Variants in BICRA observed in about 807,000 individuals in gnomAD.
BICRA encodes BRD4 interacting chromatin remodeling complex associated protein.
Under a neutral mutation model 96.9 loss-of-function variants are expected in BICRA, and 31 were observed. The ratio of observed to expected loss-of-function variants is 0.32; its 90% CI spans 0.24 to 0.43. The LOEUF is 0.43. Among genes scored for constraint, BICRA ranks in the 20% least tolerant of loss-of-function variants. The pLI is 1.00. For missense variants in BICRA, 2,283 were observed against 2,190.3 expected, an observed-to-expected ratio of 1.04 and a Z score of -0.84; for synonymous variants, 1,350 against 1,071.8, an observed-to-expected ratio of 1.26 and a Z score of -5.07.
intron 7 of BICRA, among the ~76,000 whole-genome samples, chr19:47,692,099 C>T (rs1245994790): frequency 6.6e-6 from 1 of 152,166 alleles, no homozygotes; most frequent in Non-Finnish European, 1.5e-5. Context: ...GCCCTTGGAA[C>T]CTACTGAGTG....
At chr19:47,697,971 C>T (rs1395403238) in intron 11 of BICRA, among the ~76,000 whole-genome samples, 4 of 152,214 alleles carry the variant, frequency 2.6e-5, no homozygotes, top group Non-Finnish European at 5.9e-5. Context: ...CCCCGCAAAG[C>T]GCTGGGATTG....
rs551672645 is a variant in BICRA, at chr19:47,667,035, T to C, written c.-107-3408T>C. Reference sequence around the variant, plus strand: ...CATGTCTTTTTTCTTTTTTTTTTTTTTGAGACGGAGTCTTGCTCTGTCGCC... The same window carrying C: ...CATGTCTTTTTTCTTTTTTTTTTTTCTGAGACGGAGTCTTGCTCTGTCGCC... On this transcript the variant is annotated intron_variant, in intron 1 of 14. Transcript: ENST00000594866. Among the ~76,000 whole-genome samples the C allele has an allele frequency of 7.2e-5, 11 of 151,738 alleles. No homozygotes were observed. The East Asian group carries it at 1.9e-3, about 27-fold the overall frequency.
In BICRA at chr19:47,675,288, C is replaced by T. The variant is rs553003641; in HGVS notation, c.85-563C>T. ...CAGATGGAACAAGAAATTAGGGAAG[C>T]CCGAGCCATGGACATACATTCACTG... On this transcript the variant is annotated intron_variant, in intron 4 of 14. Transcript: ENST00000594866. The surrounding 1 kb of genome is among the most constrained non-coding windows in gnomAD (Gnocchi z 4.7). Among the ~76,000 whole-genome samples, 1 of 152,268 alleles carries T rather than the reference C, an allele frequency of 6.6e-6. No homozygotes were observed. Among genetic ancestry groups the T allele is most frequent in the East Asian group, 1.9e-4 (1 of 5,178 alleles).
chr19:47,685,786 T>TGTGTGTGCGCGCGCGCGCGCGC, intron 7 of BICRA, among the ~76,000 whole-genome samples: 13 of 117,922 alleles, frequency 1.1e-4, no homozygotes, highest in East Asian at 1.0e-3. Flanking sequence ...TGTGTGTGTG[T>TGTGTGTGCGCGCGCGCGCGCGC]GCGCGCGCGC....
rs185338035 is a variant in BICRA, at chr19:47,616,929, A to G, written c.-108+7761A>G. Among the ~76,000 whole-genome samples the G allele has an allele frequency of 2.1e-3, 318 of 151,894 alleles. 3 individuals are homozygous for G. The highest frequency in any genetic ancestry group is 7.4e-3 in the African/African-American group (308 of 41,402). On this transcript the variant is annotated intron_variant, in intron 1 of 14. Transcript: ENST00000594866. ...CTGCAACCTCCGCCTCCCAGGTTCA[A>G]GTGATTCTTATGTCTCAGCCTCCCG...
chr19:47,662,765 C>G (rs1387441626), intron 1 of BICRA: 2 of 152,146 alleles, frequency 1.3e-5, no homozygotes, highest in African/African-American at 2.4e-5. Flanking sequence ...AGTCATAGAC[C>G]CCACTTCTTA....
At chr19:47,668,845 C>T (rs1045066921) in intron 1 of BICRA, among the ~76,000 whole-genome samples, 3 of 150,906 alleles carry the variant, frequency 2.0e-5, no homozygotes, top group Non-Finnish European at 2.9e-5. Flanking sequence ...CTAGGCCAGG[C>T]GCAGTGGCTC....
At chr19:47,636,554 C>T (rs1972303192) in intron 1 of BICRA, among the ~76,000 whole-genome samples, 1 of 152,130 alleles carries the variant, frequency 6.6e-6, no homozygotes, top group Non-Finnish European at 1.5e-5. Flanking sequence ...GTCACCCAGG[C>T]TGGAGTTCAG....
In BICRA at chr19:47,682,118, C is replaced by G. The variant is rs1477191870; in HGVS notation, c.2249C>G (p.Pro750Arg). 6.6e-7 allele frequency: 1 copy of G among 1,515,898 alleles called. No individual in the cohort carries two copies. Among genetic ancestry groups the G allele is most frequent in the African/African-American group, 1.4e-5 (1 of 72,950 alleles). The allele number at this position is 1,515,898 out of a possible 1,614,324, so 93.9% of individuals were successfully genotyped here. Residue 750 changes from proline (P) to arginine (R), a missense_variant, in exon 7 of 15, where the codon CCC (proline) becomes CGC (arginine). Pro to Arg is a moderately radical substitution (Grantham distance 103). Transcript: ENST00000594866. ...AKGAGLGPQAPDSQASPAPAP... is the reference protein window; with the variant it reads ...AKGAGLGPQARDSQASPAPAP... ...GGAGCTGGCCTCGGCCCTCAGGCCC[C>G]CGACAGCCAGGCTTCCCCGGCTCCG...
chr19:47,681,138 C>G lies in BICRA; in HGVS notation c.1968C>G (p.Ala656=). ...QPPQAPTPQA[A]APPQATTPQP... ...CGCAGGCCCCCACCCCACAGGCCGCCGCCCCGCCTCAGGCCACCACCCCCC... is the reference window on the plus strand; with the variant it reads ...CGCAGGCCCCCACCCCACAGGCCGCGGCCCCGCCTCAGGCCACCACCCCCC... Residue 656 remains alanine, a synonymous_variant, in exon 6 of 15, where the codon GCC becomes GCG. Coordinates refer to ENST00000594866, the MANE Select transcript of BICRA (RefSeq NM_001394372.1). 1 of 1,509,536 alleles carries G rather than the reference C, an allele frequency of 6.6e-7. No homozygotes were observed. The highest frequency in any genetic ancestry group is 8.9e-7 in the Non-Finnish European group (1 of 1,126,894). The allele number at this position is 1,509,536 out of a possible 1,614,324, so 93.5% of individuals were successfully genotyped here.
At chr19:47,639,783 C>CGT (rs1041015604) in intron 1 of BICRA, among the ~76,000 whole-genome samples, 4 of 151,772 alleles carry the variant, frequency 2.6e-5, no homozygotes, top group African/African-American at 9.7e-5. Flanking sequence ...ACTGGGACTA[C>CGT]AGGTGTGCAC....
Position 47,701,094 on chromosome 19 carries a change from T to G in BICRA, c.3596-234T>G. ...TTTGTATTCTCTTAATTTACTTATG[T>G]CTGAATGAGCCCCACGTGGCTCGTG... On this transcript the variant is annotated intron_variant, in intron 14 of 14. Transcript: ENST00000594866. This position sits in a 1 kb window ranked among gnomAD's most constrained non-coding sequence, Gnocchi z 5.4. 1 of 563,212 alleles carries G rather than the reference T, an allele frequency of 1.8e-6. No individual in the cohort carries two copies. The highest frequency in any genetic ancestry group is 3.1e-6 in the Non-Finnish European group (1 of 320,910). 34.9% of individuals were successfully genotyped at this position (563,212 alleles called of 1,614,324 possible).
rs997949720 is a variant in BICRA, at chr19:47,695,013, G to A, written c.3009G>A (p.Gly1003=). 1 of 1,525,360 alleles carries A rather than the reference G, an allele frequency of 6.6e-7. No individual in the cohort carries two copies. 94.5% of individuals were successfully genotyped at this position (1,525,360 alleles called of 1,614,324 possible). ...TSPAASVLVS[G]QAPSGTPTAP... is the part of the protein sequence containing the mutation. ...CCGCTGCGTCTGTGCTGGTCAGTGG[G>A]CAGGCCCCATCTGGGACCCCCACTG... The change falls in exon 9 of 15, where the codon GGG becomes GGA. Residue 1003 remains glycine (G), a synonymous_variant. Transcript: ENST00000594866.
intron 1 of BICRA, among the ~76,000 whole-genome samples, chr19:47,661,112 G>C (rs897980880): frequency 2.1e-4 from 31 of 150,716 alleles, no homozygotes; most frequent in African/African-American, 7.6e-4. Context: ...TACTCAGGAG[G>C]CTGAGGCTGG....
chr19:47,633,228 C>T (rs1021025324), intron 1 of BICRA, among the ~76,000 whole-genome samples: 9 of 151,524 alleles, frequency 5.9e-5, no homozygotes, highest in Non-Finnish European at 7.4e-5. Context: ...TATAGGTGCC[C>T]GCCACCACGC....
rs117949272 is a variant in BICRA at position 47,611,671 on chromosome 19, G to A, written c.-108+2503G>A. ...GAGAACTTTCTTGCCTGTTCTCCTT[G>A]GCATGATCCACTCTGTAACCTTAGG... is the stretch of plus-strand genomic sequence containing the variant. On this transcript the variant is annotated intron_variant, in intron 1 of 14. Coordinates refer to ENST00000594866, the MANE Select transcript of BICRA (RefSeq NM_001394372.1). Among the ~76,000 whole-genome samples, 949 of 152,226 alleles carry A rather than the reference G, an allele frequency of 6.2e-3. 6 individuals are homozygous for A. The highest frequency in any genetic ancestry group is 0.017 in the Middle Eastern group (5 of 294).
chr19:47,667,879 C>T (rs977945982), intron 1 of BICRA, among the ~76,000 whole-genome samples: 1 of 152,112 alleles, frequency 6.6e-6, no homozygotes, highest in African/African-American at 2.4e-5. Flanking sequence ...AGGAGAGGGT[C>T]GCCTGTTGGG....
At chr19:47,639,328 T>TTTTC (rs1194653018) in intron 1 of BICRA, among the ~76,000 whole-genome samples, 1 of 124,588 alleles carries the variant, frequency 8.0e-6, no homozygotes, top group African/African-American at 3.2e-5. Context: ...CATTTTTTTT[T>TTTTC]TTTTTTTTTT....
At chr19:47,640,116 A>G (rs1417978914) in intron 1 of BICRA, among the ~76,000 whole-genome samples, 1 of 152,222 alleles carries the variant, frequency 6.6e-6, no homozygotes, top group Non-Finnish European at 1.5e-5. Context: ...CATCTCTGTG[A>G]TTCACATCCA....
Sources: gnomAD v4.1 joint callset for allele counts (sites outside exome capture counted in the v4.1 genomes callset) on GRCh38, gnomAD v4.1.1 for gene constraint, Gnocchi (gnomAD v3.1) non-coding constraint, MANE v1.5 for transcripts, NCBI Gene and HGNC (gene_info 2026-07-23, HGNC 2026-07-21) for gene names.